Variants in RIC3 observed in about 807,000 individuals in gnomAD.
RIC3 encodes protein RIC-3.
In RIC3, 28 loss-of-function variants were observed where a neutral mutation model predicts 27.3. The ratio of observed to expected loss-of-function variants is 1.02; its 90% CI spans 0.76 to 1.41. The LOEUF is 1.41. Among genes scored for constraint, RIC3 ranks in the 40% most tolerant of loss-of-function variants. RIC3 has a pLI of 0.00. For synonymous variants in RIC3, 184 were observed against 160.4 expected (o/e 1.15, Z -1.11); for missense variants, 501 against 444.7 (o/e 1.13, Z -1.14).
At chr11:8,101,447 C>G, downstream of RIC3, 4 of 1,607,652 alleles carry the variant, frequency 2.5e-6, no homozygotes, top group Non-Finnish European at 3.4e-6. Flanking sequence ...CCATTCCTGT[C>G]CTGTCCTTTT....
chr11:8,168,701 G>A (rs1020720288), intron 1 of RIC3, among the ~76,000 whole-genome samples, 165 bp downstream of exon 1: 14 of 152,330 alleles, frequency 9.2e-5, no homozygotes, highest in African/African-American at 2.2e-4. Flanking sequence ...GATAACAACG[G>A]AACCGTGGGC....
At chr11:8,096,203 T>A in the RIC3 span, among the ~76,000 whole-genome samples, 2 of 152,184 alleles carry the variant, frequency 1.3e-5, no homozygotes, top group Non-Finnish European at 2.9e-5. Context: ...AGGGCAAAGA[T>A]GAGGAGTCAG....
At chr11:8,126,984 T>C in intron 4 of RIC3, 177 bp from the exon 5 acceptor site, 3 of 727,802 alleles carry the variant, frequency 4.1e-6, no homozygotes, top group South Asian at 3.5e-5. Context: ...GTTCAATGCT[T>C]TGATTTTATA....
chr11:8,112,280 T>G (rs1945359641), intron 5 of RIC3, among the ~76,000 whole-genome samples: 1 of 135,698 alleles, frequency 7.4e-6, no homozygotes, highest in African/African-American at 2.8e-5. Context: ...TTTTCTTTTC[T>G]TTTCTTTTCT....
intron 1 of RIC3, among the ~76,000 whole-genome samples, chr11:8,151,447 ATGG>A (rs1426553569): frequency 2.0e-5 from 3 of 149,638 alleles, no homozygotes; most frequent in Admixed American, 6.6e-5. Flanking sequence ...TTAGCCGGGC[ATGG>A]TGGCGCGTGC....
chr11:8,126,699 C>G lies in RIC3; in HGVS notation c.630G>C (p.Glu210Asp). 5 of 1,614,176 alleles carry G rather than the reference C, an allele frequency of 3.1e-6. No homozygotes were observed. Among genetic ancestry groups the G allele is most frequent in the Admixed American group, 1.7e-5 (1 of 60,024 alleles). ...EGKFIDRFSP[E>D]KEAEEAPYME... ...TGTAAGGGGCCTCCTCAGCTTCTTT[C>G]TCTGGAGAAAATCTGTCAATGAATT... Residue 210 changes from glutamate (E) to aspartate (D), a missense_variant, in exon 5 of 6, where the codon GAG (glutamate) becomes GAC (aspartate). Glu to Asp is a conservative substitution (Grantham distance 45, BLOSUM62 2). Coordinates refer to ENST00000309737, the MANE Select transcript of RIC3 (RefSeq NM_001206671.4).
intron 1 of RIC3, among the ~76,000 whole-genome samples, chr11:8,144,290 G>A (rs1949414205): frequency 2.0e-5 from 3 of 150,044 alleles, no homozygotes; most frequent in Non-Finnish European, 3.0e-5. Flanking sequence ...TCTGACAAAG[G>A]GCTAATATCC....
chr11:8,102,829 G>A (rs543701854), downstream of RIC3: 5 of 152,300 alleles, frequency 3.3e-5, no homozygotes, highest in East Asian at 1.9e-4. Flanking sequence ...TCACCTAGCT[G>A]GTTAATGGCA....
chr11:8,129,061 T>A (rs1947357187), intron 4 of RIC3, among the ~76,000 whole-genome samples: 2 of 151,852 alleles, frequency 1.3e-5, no homozygotes, highest in South Asian at 4.2e-4. Context: ...GCCAAAAACT[T>A]TTACTCCTAA....
chr11:8,097,690 T>C, the RIC3 span: 1 of 1,594,728 alleles, frequency 6.3e-7, no homozygotes. Flanking sequence ...GAGTCTGGAA[T>C]ATGACCTCAT....
At chr11:8,101,014 C>T in the RIC3 span, 1 of 1,613,894 alleles carries the variant, frequency 6.2e-7, no homozygotes, top group Non-Finnish European at 8.5e-7. Flanking sequence ...GTTTCTGTCC[C>T]TACTCATTAT....
intron 4 of RIC3, 33 bp from the exon 5 acceptor site, chr11:8,126,840 G>C: frequency 1.2e-6 from 2 of 1,612,956 alleles, no homozygotes; most frequent in Non-Finnish European, 1.7e-6. Context: ...ACCATTTAGT[G>C]GTAAATACTC....
intron 5 of RIC3, among the ~76,000 whole-genome samples, chr11:8,115,889 G>A (rs1261070091): frequency 6.6e-6 from 1 of 151,996 alleles, no homozygotes; most frequent in Non-Finnish European, 1.5e-5. Context: ...AGAAATAGAA[G>A]AAACAATTCT....
At chr11:8,114,696 G>A (rs963048397) in intron 5 of RIC3, among the ~76,000 whole-genome samples, 3 of 151,098 alleles carry the variant, frequency 2.0e-5, no homozygotes, top group Non-Finnish European at 2.9e-5. Context: ...GAAACTCAGC[G>A]AACTTCAAGA....
chr11:8,151,580 C>T (rs867484339), intron 1 of RIC3, among the ~76,000 whole-genome samples: 73 of 45,804 alleles, frequency 1.6e-3, no homozygotes, highest in African/African-American at 0.016. Flanking sequence ...AGTGAAACTC[C>T]GTCTCAAAAA....
At chr11:8,102,022 G>T, downstream of RIC3, 1 of 206,796 alleles carries the variant, frequency 4.8e-6, no homozygotes, top group South Asian at 1.2e-4. Context: ...CAAGGAGTCA[G>T]ATGGCAATGG....
At position 8,110,419 on chromosome 11, in the gene RIC3, A is replaced by G; in HGVS notation, c.*279T>C. 1 of 513,322 alleles carries G rather than the reference A, an allele frequency of 1.9e-6. No individual in the cohort carries two copies. Among genetic ancestry groups the G allele is most frequent in the South Asian group, 2.0e-5 (1 of 49,794 alleles). 31.8% of individuals were successfully genotyped at this position (513,322 alleles called of 1,614,324 possible). On this transcript the variant is annotated 3_prime_UTR_variant, in exon 6 of 6. Transcript: ENST00000309737. ...CTGAGTGGTCCCATCTGTAATTACA[A>G]TAGACCAAACATAATTACTTAATGG...
intron 5 of RIC3, among the ~76,000 whole-genome samples, chr11:8,114,944 AGAATG>A (rs1364079870): frequency 1.3e-5 from 2 of 152,200 alleles, no homozygotes; most frequent in Non-Finnish European, 2.9e-5. Flanking sequence ...TGAGAAAAAA[AGAATG>A]AAAAGAAAGC....
In RIC3 at chr11:8,113,105, T is replaced by C. The variant is rs543123512; in HGVS notation, c.671-1968A>G. 2.6e-5 allele frequency among the ~76,000 whole-genome samples: 4 copies of C among 152,300 alleles called. No individual in the cohort carries two copies. The East Asian group carries it at 7.7e-4, about 29-fold the overall frequency. Reference sequence around the variant, plus strand: ...ATTCCAAGGCTTAACTTACTGCGGATGGAATGCTAGGTAAAGTGGAGCTTA... The same window carrying C: ...ATTCCAAGGCTTAACTTACTGCGGACGGAATGCTAGGTAAAGTGGAGCTTA... On this transcript the variant is annotated intron_variant, in intron 5 of 5. Coordinates refer to ENST00000309737, the MANE Select transcript of RIC3 (RefSeq NM_001206671.4).
Sources: allele counts gnomAD v4.1 joint callset (sites outside exome capture counted in the v4.1 genomes callset), GRCh38; gene constraint gnomAD v4.1.1; transcripts MANE v1.5; gene names NCBI Gene and HGNC (gene_info 2026-07-23, HGNC 2026-07-21).